GATA5: variants seen among roughly 807,000 people sequenced by gnomAD.
The protein encoded by GATA5 is GATA binding protein 5, also known as transcription factor GATA-5.
In GATA5, 27 loss-of-function variants were observed where a neutral mutation model predicts 35.0. The ratio of observed to expected loss-of-function variants is 0.77; its 90% CI spans 0.57 to 1.06. GATA5 has a LOEUF of 1.06. Ranked by LOEUF, GATA5 falls within the 50% of genes least tolerant of loss-of-function variation. The probability of loss-of-function intolerance (pLI) is 0.00; values close to 1 mark genes in which losing one functional copy is unlikely to be tolerated. For synonymous variants in GATA5, 306 were observed against 267.8 expected (o/e 1.14, Z -1.39); for missense variants, 612 against 580.0 (o/e 1.06, Z -0.57).
chr20:62,465,814 T>C lies in GATA5; in HGVS notation c.913+20A>G, dbSNP rs1989570481. ...GCCACTCCGCAGGAGCGGGGCTGAC[T>C]GCAGGGCCTGGCCACGCACCTGAGG... On this transcript the variant is annotated intron_variant, in intron 5 of 6. Transcript: ENST00000252997. 3 of 1,557,378 alleles carry C rather than the reference T, an allele frequency of 1.9e-6. No homozygotes were observed. The highest frequency in any genetic ancestry group is 2.6e-6 in the Non-Finnish European group (3 of 1,145,724).
chr20:62,466,259 C>T (rs1468481278), intron 4 of GATA5, among the ~76,000 whole-genome samples, 167 bp downstream of exon 4: 2 of 152,218 alleles, frequency 1.3e-5, no homozygotes, highest in South Asian at 2.1e-4. Flanking sequence ...CCCGGGCCCC[C>T]GGGGGTGGTG....
At chr20:62,465,789 G>T in intron 5 of GATA5, 45 bp downstream of exon 5, 1 of 1,444,970 alleles carries the variant, frequency 6.9e-7, no homozygotes, top group Non-Finnish European at 9.5e-7. Context: ...GGCACCGAAG[G>T]CCACTCCGCA....
At chr20:62,471,653 A>G (rs371347691) in intron 3 of GATA5, among the ~76,000 whole-genome samples, 2 of 150,466 alleles carry the variant, frequency 1.3e-5, no homozygotes, top group East Asian at 3.9e-4. Context: ...CTGGTTTCGA[A>G]CTCCTGGGCT....
rs41305803 is a variant in GATA5 at position 62,473,493 on chromosome 20, G to A, written c.609C>T (p.Asp203=). 690,298 of 1,608,792 alleles carry A rather than the reference G, an allele frequency of 0.43. 149,742 individuals carry two copies. The highest frequency in any genetic ancestry group is 0.44 in the Non-Finnish European group (521,955 of 1,178,082). Residue 203 remains aspartate, a synonymous_variant, in exon 3 of 7, where the codon GAC becomes GAT. Transcript: ENST00000252997. ...CATTGCACAGGTAGTGGCCGGTGCC[G>A]TCTCGGCGCCACAGCGGTGTGGACA... ...GALSTPLWRR[D]GTGHYLCNAC...
chr20:62,466,522 G>T lies in GATA5; in HGVS notation c.729C>A (p.Cys243Ter). The change falls in exon 4 of 7, where the codon TGC (cysteine) becomes TGA (stop). Residue 243 changes from cysteine (C) to a stop codon, truncating the protein, a stop_gained. Transcript: ENST00000252997. LOFTEE classifies it high-confidence loss of function. Reference sequence around the variant, plus strand: ...TGGTGTTGGTCGTGTGGCAGTTGGTGCAGCAGAGGCCGGCGCGGCGGGACG... The same window carrying T: ...TGGTGTTGGTCGTGTGGCAGTTGGTTCAGCAGAGGCCGGCGCGGCGGGACG... ...LSSSRRAGLCCTNCHTTNTTL... is the reference protein window; with the variant it reads ...LSSSRRAGLC 1 of 1,560,862 alleles carries T rather than the reference G, an allele frequency of 6.4e-7. No homozygotes were observed. Among genetic ancestry groups the T allele is most frequent in the Admixed American group, 1.9e-5 (1 of 52,430 alleles).
At position 62,464,866 on chromosome 20, in the gene GATA5, TTGGCGCA is replaced by T; in HGVS notation, c.1157_1163del (p.Leu386GlnfsTer77). The T allele has an allele frequency of 2.5e-6, 4 of 1,608,828 alleles. No individual in the cohort carries two copies. The highest frequency in any genetic ancestry group is 3.4e-6 in the Non-Finnish European group (4 of 1,177,704). On this transcript the variant is annotated frameshift_variant, in exon 7 of 7. Coordinates refer to ENST00000252997, the MANE Select transcript of GATA5 (RefSeq NM_080473.5). LOFTEE classifies it high-confidence loss of function. The stretch of plus-strand genomic sequence containing the variant: ...CCAAGGCCAGCGCACACCAGGCCTC[TTGGCGCA>T]GAGCCCCCCTGAGGCCAGCCTGGGG...
rs782452663 is a variant in GATA5 at position 62,464,900 on chromosome 20, C to T, written c.1130G>A (p.Ser377Asn). The T allele has an allele frequency of 6.2e-7, 1 of 1,611,194 alleles. No individual in the cohort carries two copies. Among genetic ancestry groups the T allele is most frequent in the Admixed American group, 1.7e-5 (1 of 59,734 alleles). Reference sequence around the variant, plus strand: ...AGCCCCCCTGAGGCCAGCCTGGGGGCTTGGGGCCGTGGAGGGGAAGGCAAA... The same window carrying T: ...AGCCCCCCTGAGGCCAGCCTGGGGGTTTGGGGCCGTGGAGGGGAAGGCAAA... The part of the protein sequence containing the change: ...EDFAFPSTAP[S>N]PQAGLRGALR... The change falls in exon 7 of 7, where the codon AGC becomes AAC. Residue 377 changes from serine to asparagine, a missense_variant. Transcript: ENST00000252997.
intron 3 of GATA5, among the ~76,000 whole-genome samples, chr20:62,472,693 C>T (rs192688612): frequency 4.6e-5 from 7 of 152,326 alleles, no homozygotes; most frequent in African/African-American, 2.4e-5. Context: ...ACGTATAGAA[C>T]AAAGCAACTT....
chr20:62,471,899 C>CTT (rs782266668), intron 3 of GATA5, among the ~76,000 whole-genome samples: 15 of 135,020 alleles, frequency 1.1e-4, no homozygotes, highest in Admixed American at 4.4e-4. Flanking sequence ...TGACTAATTT[C>CTT]TTTTTTTTTT....
At position 62,466,484 on chromosome 20, in the gene GATA5, C is replaced by T. The variant is rs781802523; in HGVS notation, c.767G>A (p.Arg256Gln). Residue 256 changes from arginine (R) to glutamine (Q), a missense_variant, in exon 4 of 7, where the codon CGG becomes CAG. Coordinates refer to ENST00000252997, the MANE Select transcript of GATA5 (RefSeq NM_080473.5). ...CHTTNTTLWR[R>Q]NSEGEPVCNA... ...GCACACGGGCTCCCCCTCCGAGTTC[C>T]GCCGCCACAGCGTGGTGTTGGTCGT... 2.0e-5 allele frequency: 31 copies of T among 1,576,584 alleles called. No homozygotes were observed. The highest frequency in any genetic ancestry group is 7.3e-5 in the Admixed American group (4 of 54,828).
At chr20:62,474,892 G>C in intron 2 of GATA5, 107 bp downstream of exon 2, 2 of 1,001,122 alleles carry the variant, frequency 2.0e-6, no homozygotes, top group Non-Finnish European at 2.6e-6. Flanking sequence ...TCCTGGCAGG[G>C]AGGCTCGGAC....
rs1435510933 is a variant in GATA5 at position 62,470,668 on chromosome 20, T to G, written c.699+2735A>C. 6.6e-6 allele frequency among the ~76,000 whole-genome samples: 1 copy of G among 152,004 alleles called. No individual in the cohort carries two copies. The highest frequency in any genetic ancestry group is 1.5e-5 in the Non-Finnish European group (1 of 67,982). On this transcript the variant is annotated intron_variant, in intron 3 of 6. Transcript: ENST00000252997. This position sits in a 1 kb window ranked among gnomAD's most constrained non-coding sequence, Gnocchi z 4.6. Reference sequence around the variant, plus strand: ...TACTTCCTGGAGCTGGTGCCAGAGGTGGCTCAGGGCTAGGAGGTCTGCTGT... The same window carrying G: ...TACTTCCTGGAGCTGGTGCCAGAGGGGGCTCAGGGCTAGGAGGTCTGCTGT...
chr20:62,465,921 C>A lies in GATA5; in HGVS notation c.826G>T (p.Val276Leu). The A allele has an allele frequency of 6.3e-7, 1 of 1,585,660 alleles. No homozygotes were observed. The highest frequency in any genetic ancestry group is 2.3e-5 in the East Asian group (1 of 43,650). The stretch of plus-strand genomic sequence containing the variant: ...TTCTTCATAGCCAGAGGCCGCGGCA[C>A]CTGGCAGGGGTGGCGAGGGTGGAGG... ...ACGLYMKLHG[V>L]PRPLAMKKES... Residue 276 changes from valine to leucine, a missense_variant and splice_region_variant, in exon 5 of 7, where the codon GTG becomes TTG. Transcript: ENST00000252997.
rs957317148 is a variant in GATA5, at chr20:62,475,523, C to T, written c.-2G>A. The T allele has an allele frequency of 4.2e-5, 54 of 1,298,616 alleles. No individual in the cohort carries two copies. Among genetic ancestry groups the T allele is most frequent in the Non-Finnish European group, 5.2e-5 (53 of 1,024,626 alleles). The allele number at this position is 1,298,616 out of a possible 1,614,324, so 80.4% of individuals were successfully genotyped here. A position where few individuals can be genotyped will look rare whatever the true frequency, so the allele number is the denominator to read the frequency against. ...GGCCAGCGCCAGGCTCTGGTACATC[C>T]TCCCAGGCGTGGTCTTGACCTGCAG... On this transcript the variant is annotated 5_prime_UTR_variant, in exon 2 of 7. Transcript: ENST00000252997.
chr20:62,473,042 C>T (rs782373617), intron 3 of GATA5, among the ~76,000 whole-genome samples: 41 of 152,224 alleles, frequency 2.7e-4, no homozygotes, highest in Middle Eastern at 3.2e-3. Context: ...CAGCCACCAC[C>T]GACTCGTAGG....
At chr20:62,467,438 G>C (rs1555896193) in intron 3 of GATA5, among the ~76,000 whole-genome samples, 1 of 152,218 alleles carries the variant, frequency 6.6e-6, no homozygotes, top group Admixed American at 6.5e-5. Context: ...CCTCAGACTT[G>C]AAGCCCTTTC....
At chr20:62,468,459 G>C (rs1989647113) in intron 3 of GATA5, among the ~76,000 whole-genome samples, 1 of 152,212 alleles carries the variant, frequency 6.6e-6, no homozygotes, top group Non-Finnish European at 1.5e-5. Context: ...CCTCCCTGCA[G>C]CCCTGAGTAC....
intron 1 of GATA5, among the ~76,000 whole-genome samples, 172 bp downstream of exon 1, chr20:62,475,758 A>G (rs1601521086): frequency 1.3e-5 from 2 of 150,950 alleles, no homozygotes; most frequent in Admixed American, 1.3e-4. Flanking sequence ...CGCCGAGCCC[A>G]CCTCCTCCCC....
At position 62,470,241 on chromosome 20, in the gene GATA5, C is replaced by T. The variant is rs1569046602; in HGVS notation, c.699+3162G>A. Among the ~76,000 whole-genome samples the T allele has an allele frequency of 1.3e-5, 2 of 152,162 alleles. No homozygotes were observed. The highest frequency in any genetic ancestry group is 4.1e-4 in the South Asian group (2 of 4,834). On this transcript the variant is annotated intron_variant, in intron 3 of 6. Coordinates refer to ENST00000252997, the MANE Select transcript of GATA5 (RefSeq NM_080473.5). This position sits in a 1 kb window ranked among gnomAD's most constrained non-coding sequence, Gnocchi z 4.6. ...GGAAGGCGGGAGAGGGAAGGAGGTTCGAGCCTGGCTTGGAGGGATGAAGCG... is the reference window on the plus strand; with the variant it reads ...GGAAGGCGGGAGAGGGAAGGAGGTTTGAGCCTGGCTTGGAGGGATGAAGCG...
Sources: allele counts gnomAD v4.1 joint callset (sites outside exome capture counted in the v4.1 genomes callset), GRCh38; gene constraint gnomAD v4.1.1; non-coding constraint Gnocchi (gnomAD v3.1); transcripts MANE v1.5; gene names NCBI Gene and HGNC (gene_info 2026-07-23, HGNC 2026-07-21).